The following ZMAT4 variants were observed in gnomAD, a reference collection of about 807,000 sequenced individuals.
ZMAT4 encodes the protein zinc finger matrin-type protein 4.
ZMAT4 carries 17 observed loss-of-function variants against 28.7 expected under a neutral mutation model. That is an observed-to-expected ratio of 0.59 (90% CI 0.41 to 0.89). The LOEUF (loss-of-function observed/expected upper bound fraction) is 0.89. Among genes scored for constraint, ZMAT4 ranks in the 40% least tolerant of loss-of-function variants. The pLI is 0.00. For synonymous variants in ZMAT4, 117 were observed against 109.2 expected (o/e 1.07, Z -0.44); for missense variants, 240 against 283.8 (o/e 0.85, Z 1.11).
chr8:40,753,653 T>C (rs991922757), intron 3 of ZMAT4, among the ~76,000 whole-genome samples: 1 of 152,172 alleles, frequency 6.6e-6, no homozygotes, highest in East Asian at 1.9e-4. Flanking sequence ...CAATTAATAT[T>C]TTCTGAATGA....
In ZMAT4 at chr8:40,677,214, T is replaced by C. The variant is rs1400095666; in HGVS notation, c.350-2283A>G. 2.0e-5 allele frequency among the ~76,000 whole-genome samples: 3 copies of C among 152,288 alleles called. No individual in the cohort carries two copies. In the East Asian group the frequency reaches 5.8e-4, roughly 29 times the overall value. ...ATTCATCAAATAAGATAATCTTATC[T>C]TGCACATAAGAAAGTAATTTGATGT... is the stretch of plus-strand genomic sequence containing the variant. On this transcript the variant is annotated intron_variant, in intron 4 of 6. Coordinates refer to ENST00000297737, the MANE Select transcript of ZMAT4 (RefSeq NM_024645.3).
chr8:40,737,440 A>G (rs184216550), intron 3 of ZMAT4, among the ~76,000 whole-genome samples: 69 of 152,332 alleles, frequency 4.5e-4, no homozygotes, highest in Admixed American at 2.4e-3. Flanking sequence ...GTGGTCAGAA[A>G]TAGAAGGAAA....
chr8:40,865,713 G>C lies in ZMAT4; in HGVS notation c.-5+31970C>G, dbSNP rs543359771. Among the ~76,000 whole-genome samples, 9 of 152,280 alleles carry C rather than the reference G, an allele frequency of 5.9e-5. No individual in the cohort carries two copies. The South Asian group carries it at 8.3e-4, about 14-fold the overall frequency. The stretch of plus-strand genomic sequence containing the variant: ...AATGTTGGTTACCTGCAATCACACA[G>C]CCTCAGTTTCTAAAGCTGGGACTCG... On this transcript the variant is annotated intron_variant, in intron 1 of 6. Coordinates refer to ENST00000297737, the MANE Select transcript of ZMAT4 (RefSeq NM_024645.3).
chr8:40,608,910 ACTCACAGTTTTACAGCTGT>A (rs1805695864), intron 5 of ZMAT4, among the ~76,000 whole-genome samples: 1 of 152,120 alleles, frequency 6.6e-6, no homozygotes. Context: ...CACTTCAGGC[ACTCACAGTTTTACAGCTGT>A]CTCACAGTGG....
At chr8:40,804,704 G>C (rs138366020) in intron 2 of ZMAT4, among the ~76,000 whole-genome samples, 1 of 151,978 alleles carries the variant, frequency 6.6e-6, no homozygotes, top group Admixed American at 6.6e-5. Flanking sequence ...AGCTGGGTGT[G>C]GTGGCGCATA....
chr8:40,787,880 T>C (rs1355321085), intron 2 of ZMAT4, among the ~76,000 whole-genome samples: 2 of 152,208 alleles, frequency 1.3e-5, no homozygotes, highest in African/African-American at 4.8e-5. Flanking sequence ...ATTTTCCTTG[T>C]AATGTTTTCA....
chr8:40,876,813 G>T (rs568217013), intron 1 of ZMAT4, among the ~76,000 whole-genome samples: 2 of 152,302 alleles, frequency 1.3e-5, no homozygotes, highest in African/African-American at 4.8e-5. Context: ...GACTGTGCAA[G>T]GGGTTGGCAC....
At chr8:40,795,961 T>C (rs1814578249) in intron 2 of ZMAT4, among the ~76,000 whole-genome samples, 1 of 152,218 alleles carries the variant, frequency 6.6e-6, no homozygotes. Flanking sequence ...CACTTTCTTC[T>C]TTGTTCTTCT....
At chr8:40,658,901 G>T (rs1808058103) in intron 5 of ZMAT4, among the ~76,000 whole-genome samples, 1 of 152,014 alleles carries the variant, frequency 6.6e-6, no homozygotes, top group Admixed American at 6.6e-5. Context: ...TCCAGTTTCT[G>T]CCTGGTTTTG....
rs1563354249 is a variant in ZMAT4, at chr8:40,589,998, T to TTCCG, written c.578-8738_578-8737insCGGA. On this transcript the variant is annotated intron_variant, in intron 5 of 6. Transcript: ENST00000297737. Reference sequence around the variant, plus strand: ...CTTCCTTCCTTCCTTCCTTCCTTCCTTCCTTCCTTCCTTCCTTCCTTCCTT... The same window carrying TTCCG: ...CTTCCTTCCTTCCTTCCTTCCTTCCTTCCGTCCTTCCTTCCTTCCTTCCTTCCTT... Among the ~76,000 whole-genome samples, 171 of 115,744 alleles carry TTCCG rather than the reference T, an allele frequency of 1.5e-3. 2 individuals carry two copies. The highest frequency in any genetic ancestry group is 5.4e-3 in the African/African-American group (166 of 30,532). 75.9% of individuals were successfully genotyped at this position (115,744 alleles called of 152,430 possible).
At chr8:40,801,665 T>C (rs9918833) in intron 2 of ZMAT4, among the ~76,000 whole-genome samples, 108,836 of 151,684 alleles carry the variant, frequency 0.72, 39,295 homozygotes, top group Middle Eastern at 0.79. Flanking sequence ...AGCGAAACTC[T>C]GTCTTAAAAA....
rs1586222521 is a variant in ZMAT4 at position 40,884,612 on chromosome 8, C to G, written c.-5+13071G>C. On this transcript the variant is annotated intron_variant, in intron 1 of 6. Transcript: ENST00000297737. ...GCAATTTTCAGTCCTCATCTTACTT[C>G]TTATGCCAGCAGGATTTGACCCAGC... is the stretch of plus-strand genomic sequence containing the variant. 2.0e-5 allele frequency: 3 copies of G among 152,454 alleles called. No homozygotes were observed. In the South Asian group the frequency reaches 6.2e-4, roughly 32 times the overall value. 9.4% of individuals were successfully genotyped at this position (152,454 alleles called of 1,614,324 possible). A position where few individuals can be genotyped will look rare whatever the true frequency, so the allele number is the denominator to read the frequency against.
chr8:40,564,469 T>C (rs911201285), intron 6 of ZMAT4, among the ~76,000 whole-genome samples: 2 of 152,174 alleles, frequency 1.3e-5, no homozygotes, highest in African/African-American at 4.8e-5. Context: ...AGATAAGATT[T>C]TAGTATTTGT....
At chr8:40,862,570 T>TA (rs1554572612) in intron 1 of ZMAT4, among the ~76,000 whole-genome samples, 27,103 of 89,848 alleles carry the variant, frequency 0.3, 3,512 homozygotes, top group East Asian at 0.41. Context: ...TAGAGTATAA[T>TA]AAAAAAAAAA....
chr8:40,883,924 A>G (rs1009138123), intron 1 of ZMAT4, among the ~76,000 whole-genome samples: 2 of 152,128 alleles, frequency 1.3e-5, no homozygotes, highest in African/African-American at 2.4e-5. Context: ...TTATTAATTC[A>G]GTCATAACTC....
At chr8:40,894,916 T>C (rs1182054948) in intron 1 of ZMAT4, among the ~76,000 whole-genome samples, 2 of 152,232 alleles carry the variant, frequency 1.3e-5, no homozygotes. Flanking sequence ...AATTTTAATA[T>C]GTTTTCAGTC....
At chr8:40,769,900 A>C (rs1311141043) in intron 2 of ZMAT4, among the ~76,000 whole-genome samples, 1 of 152,002 alleles carries the variant, frequency 6.6e-6, no homozygotes, top group Non-Finnish European at 1.5e-5. Context: ...GTCAGAACCC[A>C]TTGGCTGAAA....
At chr8:40,639,066 T>A (rs1297570139) in intron 5 of ZMAT4, among the ~76,000 whole-genome samples, 1 of 152,232 alleles carries the variant, frequency 6.6e-6, no homozygotes, top group Non-Finnish European at 1.5e-5. Context: ...GCCAGGTCCA[T>A]GGCCAGGTGT....
At chr8:40,714,307 A>G (rs1810753468) in intron 3 of ZMAT4, among the ~76,000 whole-genome samples, 1 of 152,238 alleles carries the variant, frequency 6.6e-6, no homozygotes. Context: ...GCCGATTATA[A>G]CAGCAAAATA....
Sources: gnomAD v4.1 joint callset for allele counts (sites outside exome capture counted in the v4.1 genomes callset) on GRCh38, gnomAD v4.1.1 for gene constraint, MANE v1.5 for transcripts, NCBI Gene and HGNC (gene_info 2026-07-23, HGNC 2026-07-21) for gene names.